DIP2A: variants seen among roughly 807,000 people sequenced by gnomAD.
DIP2A encodes DIP2 acetate--CoA ligase A, also known as disco-interacting protein 2 homolog A.
A neutral mutation model predicts 177.4 loss-of-function variants in DIP2A; 85 were observed. That is an observed-to-expected ratio of 0.48 (90% CI 0.40 to 0.57). The LOEUF (loss-of-function observed/expected upper bound fraction) is 0.57. DIP2A is among the 20% of genes least tolerant of loss of function. DIP2A has a pLI of 0.00. For missense variants in DIP2A, 1,791 were observed against 2,100.2 expected (o/e 0.85, Z 2.88); for synonymous variants, 886 against 881.8 (o/e 1.00, Z -0.08).
At chr21:46,461,423 A>G (rs927504082) in intron 1 of DIP2A, among the ~76,000 whole-genome samples, 2 of 152,124 alleles carry the variant, frequency 1.3e-5, no homozygotes, top group Non-Finnish European at 2.9e-5. Flanking sequence ...AGGGAAAATC[A>G]CATATACGCA....
rs2059039647 is a variant in DIP2A, at chr21:46,525,588, A to C, written c.1103-3504A>C. 2.0e-5 allele frequency: 3 copies of C among 151,504 alleles called. No homozygotes were observed. In the South Asian group the frequency reaches 6.3e-4, roughly 32 times the overall value. The allele number at this position is 151,504 out of a possible 1,614,324, so 9.4% of individuals were successfully genotyped here. A position where few individuals can be genotyped will look rare whatever the true frequency, so the allele number is the denominator to read the frequency against. On this transcript the variant is annotated intron_variant, in intron 8 of 37. Coordinates refer to ENST00000417564, the MANE Select transcript of DIP2A (RefSeq NM_015151.4). ...TTGACATCTGTAGAGAAAGCCTGCC[A>C]TCTTGTTTTCTTCTTCAAAAGTATC...
At chr21:46,526,686 C>T (rs997831472) in intron 8 of DIP2A, among the ~76,000 whole-genome samples, 7 of 152,126 alleles carry the variant, frequency 4.6e-5, no homozygotes, top group East Asian at 1.9e-4. Context: ...TGAGCCACTG[C>T]GCCAGGCCTG....
chr21:46,550,850 T>C (rs2060246630), intron 23 of DIP2A, 106 bp downstream of exon 23: 2 of 1,169,928 alleles, frequency 1.7e-6, no homozygotes, highest in South Asian at 1.4e-5. Context: ...ACTGCCCACG[T>C]CTTTGGGGCT....
At chr21:46,495,162 C>A (rs1341552972) in intron 3 of DIP2A, among the ~76,000 whole-genome samples, 1 of 150,228 alleles carries the variant, frequency 6.7e-6, no homozygotes, top group African/African-American at 2.4e-5. Flanking sequence ...CCATCCCTCC[C>A]TCTTTCTCTT....
intron 32 of DIP2A, among the ~76,000 whole-genome samples, chr21:46,559,929 T>G (rs1182040380): frequency 6.6e-6 from 1 of 152,240 alleles, no homozygotes; most frequent in Non-Finnish European, 1.5e-5. Flanking sequence ...TCATGTGACT[T>G]TCTCGTGAAT....
chr21:46,565,493 G>C (rs1367099026), intron 35 of DIP2A, among the ~76,000 whole-genome samples: 1 of 152,208 alleles, frequency 6.6e-6, no homozygotes, highest in Non-Finnish European at 1.5e-5. Flanking sequence ...ACATTCTTGG[G>C]TCAAAGGAAG....
intron 8 of DIP2A, among the ~76,000 whole-genome samples, chr21:46,520,940 G>A (rs1187962071): frequency 1.3e-5 from 2 of 152,134 alleles, no homozygotes; most frequent in East Asian, 3.8e-4. Flanking sequence ...TCAGGAAAAG[G>A]CAGAATTTAG....
chr21:46,519,914 G>A (rs1440091439), intron 8 of DIP2A, among the ~76,000 whole-genome samples: 1 of 115,600 alleles, frequency 8.7e-6, no homozygotes. Flanking sequence ...TTGCTCTGCT[G>A]CTCAGGCTGG....
chr21:46,562,483 G>A (rs1298419841), intron 34 of DIP2A, among the ~76,000 whole-genome samples: 1 of 152,252 alleles, frequency 6.6e-6, no homozygotes, highest in East Asian at 1.9e-4. Context: ...TCCGTTCACT[G>A]CCATGGCCAC....
At chr21:46,531,143 G>T (rs1009126754) in intron 9 of DIP2A, among the ~76,000 whole-genome samples, 1 of 152,042 alleles carries the variant, frequency 6.6e-6, no homozygotes, top group East Asian at 1.9e-4. Context: ...GCAGTCCAGG[G>T]GGGGCAGCAG....
At chr21:46,530,480 A>G (rs139185230) in intron 9 of DIP2A, among the ~76,000 whole-genome samples, 2 of 152,352 alleles carry the variant, frequency 1.3e-5, no homozygotes, top group South Asian at 2.1e-4. Context: ...AGATACAGAA[A>G]ACAATGTTTC....
chr21:46,473,140 C>G (rs1278070953), intron 1 of DIP2A, among the ~76,000 whole-genome samples: 1 of 152,276 alleles, frequency 6.6e-6, no homozygotes, highest in East Asian at 1.9e-4. Flanking sequence ...CCTACCACTG[C>G]TCTCGACAAA....
chr21:46,498,177 C>T lies in DIP2A; in HGVS notation c.404-405C>T, dbSNP rs1407314168. Among the ~76,000 whole-genome samples the T allele has an allele frequency of 6.6e-6, 1 of 152,208 alleles. No homozygotes were observed. The highest frequency in any genetic ancestry group is 1.5e-5 in the Non-Finnish European group (1 of 68,046). On this transcript the variant is annotated intron_variant, in intron 4 of 37. Coordinates refer to ENST00000417564, the MANE Select transcript of DIP2A (RefSeq NM_015151.4). The surrounding 1 kb of genome is among the most constrained non-coding windows in gnomAD (Gnocchi z 4.3). ...TGCCTCCAAGATGTAGGGCCGGGCACAGGCTCTCCCCTGGGTGATGCTGAC... is the reference window on the plus strand; with the variant it reads ...TGCCTCCAAGATGTAGGGCCGGGCATAGGCTCTCCCCTGGGTGATGCTGAC...
At chr21:46,511,654 T>C in intron 8 of DIP2A, 40 bp downstream of exon 8, 1 of 1,494,518 alleles carries the variant, frequency 6.7e-7, no homozygotes, top group Non-Finnish European at 8.9e-7. Flanking sequence ...CTGGGTTAGC[T>C]GTAGAATGTC....
intron 33 of DIP2A, 37 bp downstream of exon 33, chr21:46,560,820 C>A: frequency 6.3e-7 from 1 of 1,581,780 alleles, no homozygotes; most frequent in Non-Finnish European, 8.6e-7. Context: ...CATGGATACC[C>A]AGTGGCAAAG....
intron 34 of DIP2A, 169 bp downstream of exon 34, chr21:46,561,974 T>C (rs1330704578): frequency 1.7e-5 from 16 of 938,754 alleles, no homozygotes; most frequent in Non-Finnish European, 2.0e-5. Flanking sequence ...GTGGCTGGTA[T>C]ATAGAATTAC....
chr21:46,554,083 G>T, intron 25 of DIP2A, 86 bp from the exon 26 acceptor site: 1 of 1,462,216 alleles, frequency 6.8e-7, no homozygotes, highest in South Asian at 1.3e-5. Flanking sequence ...CGTGTGCAGT[G>T]GCGTGCAGGT....
In DIP2A at chr21:46,556,405, G is replaced by A. The variant is rs1028207342; in HGVS notation, c.3498+314G>A. The A allele has an allele frequency of 1.1e-5, 15 of 1,341,820 alleles. No homozygotes were observed. The highest frequency in any genetic ancestry group is 3.7e-5 in the South Asian group (3 of 81,306). 83.1% of individuals were successfully genotyped at this position (1,341,820 alleles called of 1,614,324 possible). A position where few individuals can be genotyped will look rare whatever the true frequency, so the allele number is the denominator to read the frequency against. Reference sequence around the variant, plus strand: ...ATAGCTCAATTAAAATTTTTCAGGCGGGGCGTGGTGGCTCACGCCTGTAAT... The same window carrying A: ...ATAGCTCAATTAAAATTTTTCAGGCAGGGCGTGGTGGCTCACGCCTGTAAT... On this transcript the variant is annotated intron_variant, in intron 29 of 37. Coordinates refer to ENST00000417564, the MANE Select transcript of DIP2A (RefSeq NM_015151.4). This position sits in a 1 kb window ranked among gnomAD's most constrained non-coding sequence, Gnocchi z 4.5.
chr21:46,516,502 T>C (rs1327323091), intron 8 of DIP2A, among the ~76,000 whole-genome samples: 1 of 131,940 alleles, frequency 7.6e-6, no homozygotes, highest in Non-Finnish European at 1.7e-5. Flanking sequence ...TTTTTTTTTT[T>C]TTTTTTTGAG....
Sources: allele counts gnomAD v4.1 joint callset (sites outside exome capture counted in the v4.1 genomes callset), GRCh38; gene constraint gnomAD v4.1.1; non-coding constraint Gnocchi (gnomAD v3.1); transcripts MANE v1.5; gene names NCBI Gene and HGNC (gene_info 2026-07-23, HGNC 2026-07-21).